Variants in KIAA1671 observed in about 807,000 individuals in gnomAD.
KIAA1671 encodes uncharacterized protein KIAA1671.
KIAA1671 carries 52 observed loss-of-function variants against 131.2 expected under a neutral mutation model. That is an observed-to-expected ratio of 0.40 (90% CI 0.32 to 0.50). The LOEUF (loss-of-function observed/expected upper bound fraction) is 0.50, where lower values mean the gene tolerates loss of function less well. Among genes scored for constraint, KIAA1671 ranks in the 20% least tolerant of loss-of-function variants. The pLI, the probability that KIAA1671 is intolerant of heterozygous loss-of-function variation, is 0.73. For missense variants in KIAA1671, 2,360 were observed against 2,364.2 expected, an observed-to-expected ratio of 1.00 and a Z score of 0.04; for synonymous variants, 1,003 against 961.6, an observed-to-expected ratio of 1.04 and a Z score of -0.80.
chr22:24,970,496 G>T (rs1051435106), intron 1 of KIAA1671, among the ~76,000 whole-genome samples: 1 of 152,060 alleles, frequency 6.6e-6, no homozygotes, highest in African/African-American at 2.4e-5. Context: ...CTTGGTTTCC[G>T]TCTCTATAAA....
chr22:25,021,146 C>T (rs1925643961), intron 1 of KIAA1671, among the ~76,000 whole-genome samples: 2 of 152,128 alleles, frequency 1.3e-5, no homozygotes, highest in Admixed American at 6.5e-5. Flanking sequence ...CTCACTGCAA[C>T]CTCAGCCTCC....
In KIAA1671 at chr22:25,153,481, G is replaced by T. The variant is rs184405680; in HGVS notation, c.4531-17339G>T. ...AACCCCATCCTAGACCTCACTGGGGGAATCTCACAATATGCAATATACCCA... is the reference window on the plus strand; with the variant it reads ...AACCCCATCCTAGACCTCACTGGGGTAATCTCACAATATGCAATATACCCA... On this transcript the variant is annotated intron_variant, in intron 6 of 12. Coordinates refer to ENST00000358431, the MANE Select transcript of KIAA1671 (RefSeq NM_001145206.2). 1.4e-4 allele frequency among the ~76,000 whole-genome samples: 21 copies of T among 152,266 alleles called. No individual in the cohort carries two copies. In the East Asian group the frequency reaches 3.7e-3, roughly 27 times the overall value.
chr22:25,188,447 GGTGT>G (rs59590267), intron 11 of KIAA1671, among the ~76,000 whole-genome samples: 40,495 of 137,668 alleles, frequency 0.29, 6,218 homozygotes, highest in Non-Finnish European at 0.35. Context: ...GAGCCAATCG[GGTGT>G]GTGTGTGTGT....
chr22:25,075,719 T>G (rs1452476400), intron 6 of KIAA1671, among the ~76,000 whole-genome samples: 2 of 151,328 alleles, frequency 1.3e-5, no homozygotes, highest in Admixed American at 6.6e-5. Flanking sequence ...GGATGGTCTC[T>G]ATCTCCCAAA....
rs533925800 is a variant in KIAA1671, at chr22:25,195,348, T to C, written c.*2947T>C. On this transcript the variant is annotated 3_prime_UTR_variant, in exon 13 of 13. Transcript: ENST00000358431. ...AAAATCCATGACAAGGCCTCAGAAA[T>C]CAGTGTTGTGGAGGATTACTCCATG... The C allele has an allele frequency of 1.3e-5, 2 of 152,228 alleles. No individual in the cohort carries two copies. The highest frequency in any genetic ancestry group is 4.8e-5 in the African/African-American group (2 of 41,526). 9.4% of individuals were successfully genotyped at this position (152,228 alleles called of 1,614,324 possible).
intron 1 of KIAA1671, among the ~76,000 whole-genome samples, chr22:25,005,579 C>T (rs375610160): frequency 2.0e-5 from 3 of 152,128 alleles, no homozygotes; most frequent in Admixed American, 6.6e-5. Context: ...TTGGATCCTC[C>T]GCTAAGCAGA....
chr22:25,074,375 T>C (rs965933185), intron 6 of KIAA1671, among the ~76,000 whole-genome samples: 1 of 150,196 alleles, frequency 6.7e-6, no homozygotes, highest in Non-Finnish European at 1.5e-5. Context: ...CATGGTGGTG[T>C]GTGCCTGTAG....
intron 6 of KIAA1671, among the ~76,000 whole-genome samples, chr22:25,107,964 C>T (rs370882920): frequency 1.4e-4 from 21 of 152,200 alleles, no homozygotes; most frequent in Admixed American, 2.6e-4. Context: ...GCTGATATCA[C>T]GCCATTGCAC....
chr22:25,187,423 T>C (rs1007875164), intron 11 of KIAA1671, among the ~76,000 whole-genome samples: 4 of 152,244 alleles, frequency 2.6e-5, no homozygotes, highest in East Asian at 3.8e-4. Context: ...CCCTGCTCCA[T>C]GTTCCATATG....
intron 6 of KIAA1671, among the ~76,000 whole-genome samples, chr22:25,163,013 A>C (rs1281187591): frequency 6.6e-6 from 1 of 152,180 alleles, no homozygotes. Flanking sequence ...GTCACAACAC[A>C]CATTGTTTTG....
At chr22:24,990,829 G>A (rs1319241134) in intron 1 of KIAA1671, among the ~76,000 whole-genome samples, 5 of 152,240 alleles carry the variant, frequency 3.3e-5, no homozygotes, top group East Asian at 3.9e-4. Flanking sequence ...CTCAGGGCTC[G>A]GTGGGTAAGC....
In KIAA1671 at chr22:25,144,849, CACTGTTA is replaced by C. The variant is rs539838418; in HGVS notation, c.4531-25970_4531-25964del. ...CTGGGAATCCCCAGACAAGCCCCAT[CACTGTTA>C]GTTAACCCATACCTTTTCAGGGCTC... On this transcript the variant is annotated intron_variant, in intron 6 of 12. Transcript: ENST00000358431. Among the ~76,000 whole-genome samples the C allele has an allele frequency of 5.5e-3, 839 of 152,316 alleles. 5 individuals are homozygous for C. Among genetic ancestry groups the C allele is most frequent in the Admixed American group, 0.01 (157 of 15,308 alleles).
At chr22:25,075,497 C>CGCATCTTT (rs1450738393) in intron 6 of KIAA1671, among the ~76,000 whole-genome samples, 1 of 151,842 alleles carries the variant, frequency 6.6e-6, no homozygotes, top group African/African-American at 2.4e-5. Flanking sequence ...TGAATCAGTG[C>CGCATCTTT]GCATCTTTTT....
chr22:25,031,457 A>G (rs1430481038), intron 3 of KIAA1671, among the ~76,000 whole-genome samples: 5 of 152,138 alleles, frequency 3.3e-5, no homozygotes, highest in Non-Finnish European at 7.3e-5. Context: ...CAGCCTTCCA[A>G]AGTGCTGGGA....
intron 6 of KIAA1671, among the ~76,000 whole-genome samples, chr22:25,122,554 A>G (rs1931993315): frequency 2.6e-5 from 4 of 152,190 alleles, no homozygotes; most frequent in Non-Finnish European, 4.4e-5. Context: ...GAGCTGGAAC[A>G]CTGCCACTTC....
Position 25,040,749 on chromosome 22 carries a change from G to A in KIAA1671, c.3619G>A (p.Glu1207Lys), listed in dbSNP as rs1976172328. The A allele has an allele frequency of 6.4e-7, 1 of 1,551,782 alleles. No homozygotes were observed. The highest frequency in any genetic ancestry group is 8.7e-7 in the Non-Finnish European group (1 of 1,147,064). The part of the protein sequence containing the change: ...SVLDIDALMA[E>K]YQELSLKVPG... ...TCTTGACATTGACGCCCTGATGGCA[G>A]AGTACCAGGAGCTGTCGCTGAAAGT... Residue 1207 changes from glutamate to lysine, a missense_variant, in exon 5 of 13, where the codon GAG becomes AAG. Glu to Lys is a moderately conservative substitution (Grantham distance 56). Around this residue, in one of 3 missense-constraint regions of KIAA1671, gnomAD observed 1,161 missense variants for 1,204.7 expected, o/e 0.96. Transcript: ENST00000358431.
chr22:24,963,364 CAAAAAAAAA>C (rs766667437), intron 1 of KIAA1671, among the ~76,000 whole-genome samples: 2 of 46,622 alleles, frequency 4.3e-5, no homozygotes, highest in African/African-American at 1.6e-4. Context: ...AACTCCATCT[CAAAAAAAAA>C]AAAAAAAAAA....
intron 1 of KIAA1671, among the ~76,000 whole-genome samples, chr22:25,019,843 G>A (rs1446376311): frequency 6.6e-6 from 1 of 152,152 alleles, no homozygotes; most frequent in Non-Finnish European, 1.5e-5. Flanking sequence ...AAAGACTTGT[G>A]ATGTGATGGG....
chr22:25,070,824 G>T (rs868714562), intron 6 of KIAA1671, among the ~76,000 whole-genome samples: 3 of 152,154 alleles, frequency 2.0e-5, no homozygotes, highest in Non-Finnish European at 4.4e-5. Flanking sequence ...TCTATGGGAT[G>T]AAAATAATAG....
Sources: gnomAD v4.1 joint callset for allele counts (sites outside exome capture counted in the v4.1 genomes callset) on GRCh38, gnomAD v4.1.1 for gene constraint, gnomAD v4.1.1 regional missense constraint, MANE v1.5 for transcripts, NCBI Gene and HGNC (gene_info 2026-07-23, HGNC 2026-07-21) for gene names.